Variants in FUNDC2 observed in about 807,000 individuals in gnomAD.
FUNDC2 encodes FUN14 domain containing 2, also known as FUN14 domain-containing protein 2.
In FUNDC2, 4 loss-of-function variants were observed where a neutral mutation model predicts 15.6. The observed-to-expected ratio is 0.26, with a 90% CI of 0.13 to 0.59. The LOEUF is 0.59. FUNDC2 is among the 20% of genes least tolerant of loss of function. FUNDC2 has a pLI of 0.90. For missense variants in FUNDC2, 98 were observed against 149.7 expected (o/e 0.65, Z 1.80); for synonymous variants, 44 against 56.9 (o/e 0.77, Z 1.02).
At chrX:155,046,431 T>C (rs2073862758) in intron 2 of FUNDC2, 78 bp from the exon 3 acceptor site, 2 of 903,601 alleles carry the variant, frequency 2.2e-6, no homozygotes, top group African/African-American at 3.9e-5. Flanking sequence ...CTAAGTAAGA[T>C]ATGAACATTG....
At chrX:155,028,258 CTT>C (rs797030139) in intron 1 of FUNDC2, among the ~76,000 whole-genome samples, 1 of 111,535 alleles carries the variant, frequency 9.0e-6, no homozygotes, top group Admixed American at 9.5e-5. Context: ...TATTGGCTGA[CTT>C]TTGTCTGTCA....
chrX:155,043,651 A>G (rs1557289806), intron 2 of FUNDC2, among the ~76,000 whole-genome samples: 2 of 112,300 alleles, frequency 1.8e-5, no homozygotes, highest in East Asian at 5.6e-4. Context: ...CAGTGCAACA[A>G]TTTTTGTAAC....
intron 3 of FUNDC2, chrX:155,050,538 G>A (rs1230261440): frequency 8.9e-6 from 1 of 112,045 alleles, no homozygotes; most frequent in Non-Finnish European, 1.9e-5. Context: ...AGATACAAAT[G>A]TTGATACTCA....
rs1256189597 is a variant in FUNDC2 at position 155,057,393 on chromosome X, T to C, written c.*2721T>C. ...GGCCTGCTTAGCTAGGCACGTATTT[T>C]CTCCAGTAGCAGAGTCCAATGACGC... On this transcript the variant is annotated 3_prime_UTR_variant, in exon 5 of 5. Coordinates refer to ENST00000369498, the MANE Select transcript of FUNDC2 (RefSeq NM_023934.4). 1 of 111,981 alleles carries C rather than the reference T, an allele frequency of 8.9e-6. No homozygotes were observed. The highest frequency in any genetic ancestry group is 1.9e-5 in the Non-Finnish European group (1 of 53,099). The allele number at this position is 111,981 out of a possible 1,213,427, so 9.2% of individuals were successfully genotyped here.
chrX:155,041,063 T>G (rs1310044603), intron 2 of FUNDC2, among the ~76,000 whole-genome samples: 5 of 112,226 alleles, frequency 4.5e-5, no homozygotes, highest in African/African-American at 6.5e-5. Flanking sequence ...TTATTTTTTT[T>G]GTTGCTTAGA....
chrX:155,051,664 C>T lies in FUNDC2; in HGVS notation c.361-6C>T, dbSNP rs1177457474. On this transcript the variant is annotated splice_polypyrimidine_tract_variant and splice_region_variant and intron_variant, in intron 3 of 4. Coordinates refer to ENST00000369498, the MANE Select transcript of FUNDC2 (RefSeq NM_023934.4). ...TTTCTTGTTGTCATTATTGTTGATA[C>T]TGTAGCTTGCAAACCATACTGGGTA... The T allele has an allele frequency of 8.3e-7, 1 of 1,207,361 alleles. No homozygotes were observed. The highest frequency in any genetic ancestry group is 1.1e-6 in the Non-Finnish European group (1 of 892,825).
chrX:155,050,961 T>C (rs1468799666), intron 3 of FUNDC2: 1 of 112,121 alleles, frequency 8.9e-6, no homozygotes, highest in African/African-American at 3.2e-5. Context: ...TAGTTTCAGA[T>C]ATTTTGAGAT....
At chrX:155,032,280 C>CCTTT (rs2073817836) in intron 1 of FUNDC2, among the ~76,000 whole-genome samples, 1 of 62,748 alleles carries the variant, frequency 1.6e-5, no homozygotes, top group African/African-American at 6.6e-5. Context: ...CTGGTGCCTT[C>CCTTT]TTTTTTTTTT....
At position 155,027,030 on chromosome X, in the gene FUNDC2, C is replaced by T. The variant is rs782709874; in HGVS notation, c.92C>T (p.Ser31Phe). 2.0e-5 allele frequency: 24 copies of T among 1,196,829 alleles called. No individual in the cohort carries two copies. In the East Asian group the frequency reaches 7.3e-4, roughly 36 times the overall value. Residue 31 changes from serine to phenylalanine, a missense_variant, in exon 1 of 5, where the codon TCC becomes TTC. Coordinates refer to ENST00000369498, the MANE Select transcript of FUNDC2 (RefSeq NM_023934.4). ...TACCGCGCAGATCCTCTACGTGTGT[C>T]CTCGCGAGACAAGCTCACCGAAATG... ...AAYRADPLRV[S>F]SRDKLTEMAA... is the part of the protein sequence containing the mutation.
chrX:155,041,215 C>G (rs1050450326), intron 2 of FUNDC2, among the ~76,000 whole-genome samples: 1 of 111,629 alleles, frequency 9.0e-6, no homozygotes. Context: ...ATCTTCTACT[C>G]GTAGTCTGCC....
At chrX:155,047,096 AG>A (rs2073865198) in intron 3 of FUNDC2, 2 of 237,917 alleles carry the variant, frequency 8.4e-6, no homozygotes, top group Non-Finnish European at 1.6e-5. Context: ...GACTTGAAAA[AG>A]GGAGCAGTTT....
At chrX:155,036,768 A>G (rs886748543) in intron 2 of FUNDC2, among the ~76,000 whole-genome samples, 1 of 111,035 alleles carries the variant, frequency 9.0e-6, no homozygotes, top group African/African-American at 3.3e-5. Flanking sequence ...CTTTACACCT[A>G]TGTTGAAAAT....
Position 155,051,393 on chromosome X carries a change from C to G in FUNDC2, c.361-277C>G. 3 of 268,068 alleles carry G rather than the reference C, an allele frequency of 1.1e-5. No individual in the cohort carries two copies. In the South Asian group the frequency reaches 1.7e-4, roughly 15 times the overall value. The allele number at this position is 268,068 out of a possible 1,213,427, so 22.1% of individuals were successfully genotyped here. On this transcript the variant is annotated intron_variant, in intron 3 of 4. Coordinates refer to ENST00000369498, the MANE Select transcript of FUNDC2 (RefSeq NM_023934.4). ...CTTCACCCTACATCTTGACCCCCCA[C>G]CTTGATTTTCATCTTATGTAACTCT...
At chrX:155,035,348 C>G (rs1557289077) in intron 2 of FUNDC2, among the ~76,000 whole-genome samples, 1 of 111,707 alleles carries the variant, frequency 9.0e-6, no homozygotes, top group African/African-American at 3.3e-5. Flanking sequence ...CTATCTTGTT[C>G]TTTAGGAACA....
chrX:155,032,280 CTTTTTTTTTT>C (rs200923469), intron 1 of FUNDC2, among the ~76,000 whole-genome samples: 1 of 62,748 alleles, frequency 1.6e-5, no homozygotes, highest in African/African-American at 6.6e-5. Flanking sequence ...CTGGTGCCTT[CTTTTTTTTTT>C]TTTTTTTTTT....
chrX:155,028,361 G>A (rs1404423563), intron 1 of FUNDC2, among the ~76,000 whole-genome samples: 1 of 111,830 alleles, frequency 8.9e-6, no homozygotes, highest in Non-Finnish European at 1.9e-5. Context: ...GACTAGATCT[G>A]TCATTCAGGC....
intron 2 of FUNDC2, among the ~76,000 whole-genome samples, chrX:155,040,461 C>T (rs1463916552): frequency 8.9e-6 from 1 of 111,913 alleles, no homozygotes; most frequent in Non-Finnish European, 1.9e-5. Context: ...GCTTCTTTCA[C>T]TTAGCATAAT....
chrX:155,030,142 G>A (rs889404417), intron 1 of FUNDC2, among the ~76,000 whole-genome samples: 2 of 110,733 alleles, frequency 1.8e-5, no homozygotes, highest in East Asian at 5.6e-4. Flanking sequence ...TATATACACC[G>A]TTATATTATC....
In FUNDC2 at chrX:155,057,027, A is replaced by AGAAACTTGACTTGGAATGTGTTCG. The variant is rs2073904628; in HGVS notation, c.*2356_*2357insAAACTTGACTTGGAATGTGTTCGG. On this transcript the variant is annotated 3_prime_UTR_variant, in exon 5 of 5. Coordinates refer to ENST00000369498, the MANE Select transcript of FUNDC2 (RefSeq NM_023934.4). ...GGGTCATGGTTGAGGTCAGTATTGC[A>AGAAACTTGACTTGGAATGTGTTCG]GGTTGGCCTCATCCTGCTAGTATGA... 1 of 99,796 alleles carries AGAAACTTGACTTGGAATGTGTTCG rather than the reference A, an allele frequency of 1.0e-5. No individual in the cohort carries two copies. The highest frequency in any genetic ancestry group is 2.1e-5 in the Non-Finnish European group (1 of 47,293). The allele number at this position is 99,796 out of a possible 1,213,427, so 8.2% of individuals were successfully genotyped here. A position where few individuals can be genotyped will look rare whatever the true frequency, so the allele number is the denominator to read the frequency against.
Sources: gnomAD v4.1 joint callset for allele counts (sites outside exome capture counted in the v4.1 genomes callset) on GRCh38, gnomAD v4.1.1 for gene constraint, MANE v1.5 for transcripts, NCBI Gene and HGNC (gene_info 2026-07-23, HGNC 2026-07-21) for gene names.